The following ERG variants were observed in gnomAD, a reference collection of about 807,000 sequenced individuals.
ERG encodes the protein transcriptional regulator ERG.
A neutral mutation model predicts 55.3 loss-of-function variants in ERG; 9 were observed. The ratio of observed to expected loss-of-function variants is 0.16; its 90% CI spans 0.10 to 0.28. The LOEUF is 0.28. Among genes scored for constraint, ERG ranks in the 10% least tolerant of loss-of-function variants. The pLI is 1.00. For missense variants in ERG, 434 were observed against 631.6 expected, an observed-to-expected ratio of 0.69 and a Z score of 3.35; for synonymous variants, 223 against 237.3, an observed-to-expected ratio of 0.94 and a Z score of 0.55.
intron 1 of ERG, among the ~76,000 whole-genome samples, chr21:38,452,390 TAA>T (rs1448438853): frequency 6.6e-6 from 1 of 152,270 alleles, no homozygotes; most frequent in East Asian, 1.9e-4. Flanking sequence ...AATACATATA[TAA>T]GTGTATGCAT....
Position 38,460,856 on chromosome 21 carries a change from G to A in ERG, c.19-15235C>T, listed in dbSNP as rs2059035468. On this transcript the variant is annotated intron_variant, in intron 1 of 9. Coordinates refer to ENST00000288319, the MANE Select transcript of ERG (RefSeq NM_182918.4). The surrounding 1 kb of genome is among the most constrained non-coding windows in gnomAD (Gnocchi z 5.0). ...TGAATGGCAAATGGCAGACAATGGT[G>A]TCACTTCCTTTCTGCTTAGGAAGGA... 6.6e-6 allele frequency among the ~76,000 whole-genome samples: 1 copy of A among 152,232 alleles called. No individual in the cohort carries two copies. The highest frequency in any genetic ancestry group is 2.4e-5 in the African/African-American group (1 of 41,468).
downstream of ERG, among the ~76,000 whole-genome samples, chr21:38,376,057 G>T (rs1292550560): frequency 6.6e-6 from 1 of 152,184 alleles, no homozygotes; most frequent in Non-Finnish European, 1.5e-5. Context: ...AGCCTTCCTT[G>T]AATGAAAGCT....
At chr21:38,416,923 C>T (rs1989306407) in intron 3 of ERG, among the ~76,000 whole-genome samples, 1 of 152,220 alleles carries the variant, frequency 6.6e-6, no homozygotes, top group African/African-American at 2.4e-5. Context: ...GCAGAGGCTG[C>T]AAAGGGCTTT....
At chr21:38,432,701 C>A (rs968063750) in intron 2 of ERG, among the ~76,000 whole-genome samples, 2 of 152,202 alleles carry the variant, frequency 1.3e-5, no homozygotes, top group Admixed American at 6.5e-5. Context: ...TACTCGAAAG[C>A]AGGAGCCTTG....
At chr21:38,657,554 T>C (rs1436109446) in intron 1 of ERG, among the ~76,000 whole-genome samples, 1 of 152,200 alleles carries the variant, frequency 6.6e-6, no homozygotes, top group Non-Finnish European at 1.5e-5. Flanking sequence ...CTCTTTCTAA[T>C]ATGAAAATGT....
chr21:38,438,998 C>T (rs2058816482), intron 2 of ERG, among the ~76,000 whole-genome samples: 2 of 152,230 alleles, frequency 1.3e-5, no homozygotes, highest in Non-Finnish European at 2.9e-5. Context: ...GGAGCCCACG[C>T]TGAGAATCAC....
At chr21:38,493,474 T>C (rs1167636941) in intron 1 of ERG, among the ~76,000 whole-genome samples, 1 of 152,168 alleles carries the variant, frequency 6.6e-6, no homozygotes, top group Non-Finnish European at 1.5e-5. Flanking sequence ...ATCTGAACAA[T>C]TTATATTGAC....
At chr21:38,386,659 G>C (rs1987703394) in intron 9 of ERG, among the ~76,000 whole-genome samples, 1 of 152,220 alleles carries the variant, frequency 6.6e-6, no homozygotes, top group Non-Finnish European at 1.5e-5. Context: ...AAGCCTAAAA[G>C]TGGCTTGGGT....
chr21:38,519,331 A>G (rs1403734790), intron 2 of ERG, among the ~76,000 whole-genome samples: 1 of 152,212 alleles, frequency 6.6e-6, no homozygotes, highest in Non-Finnish European at 1.5e-5. Context: ...CAGGCTAGCA[A>G]GAACAGGAAG....
At chr21:38,587,955 T>C (rs906251019), upstream of ERG, among the ~76,000 whole-genome samples, 2 of 152,222 alleles carry the variant, frequency 1.3e-5, no homozygotes, top group Non-Finnish European at 2.9e-5. Flanking sequence ...CTTAAATATG[T>C]GCAATGGGTA....
At position 38,381,130 on chromosome 21, in the gene ERG, G is replaced by A. The variant is rs549410533; in HGVS notation, c.*2273C>T. ...GGAGCATTGGTAATCGTGTCCTGCC[G>A]ACTTCAAAGCCCACTGCCAAAACAT... On this transcript the variant is annotated 3_prime_UTR_variant, in exon 10 of 10. Transcript: ENST00000288319. 78 of 1,064,934 alleles carry A rather than the reference G, an allele frequency of 7.3e-5. No individual in the cohort carries two copies. In the Middle Eastern group the frequency reaches 2.1e-3, roughly 28 times the overall value. 66.0% of individuals were successfully genotyped at this position (1,064,934 alleles called of 1,614,324 possible).
At position 38,610,524 on chromosome 21, in the gene ERG, CGCGT is replaced by C. The variant is rs113934427; in HGVS notation, c.-149-25583_-149-25580del. Among the ~76,000 whole-genome samples the C allele has an allele frequency of 6.3e-4, 74 of 117,290 alleles. 1 individual carries two copies. The highest frequency in any genetic ancestry group is 2.2e-3 in the African/African-American group (59 of 26,614). 76.9% of individuals were successfully genotyped at this position (117,290 alleles called of 152,430 possible). ...TACTAGTAGTCCACGTGCGCGCACGCGCGTGTGTGTGTGTGTGTGTGTGTGTTTA... is the reference window on the plus strand; with the variant it reads ...TACTAGTAGTCCACGTGCGCGCACGCGTGTGTGTGTGTGTGTGTGTGTTTA... On this transcript the variant is annotated intron_variant, in intron 1 of 10. Coordinates refer to the ERG transcript ENST00000398910.
chr21:38,649,547 T>A (rs576206288), intron 1 of ERG, among the ~76,000 whole-genome samples: 1 of 152,272 alleles, frequency 6.6e-6, no homozygotes, highest in African/African-American at 2.4e-5. Flanking sequence ...ACATGTTCAC[T>A]GAACGTAACC....
At chr21:38,560,754 C>T (rs1217375141) in intron 2 of ERG, among the ~76,000 whole-genome samples, 1 of 152,158 alleles carries the variant, frequency 6.6e-6, no homozygotes, top group African/African-American at 2.4e-5. Flanking sequence ...TTCCAATTAC[C>T]CATGACGCTA....
intron 1 of ERG, among the ~76,000 whole-genome samples, chr21:38,590,381 G>A (rs1044559303): frequency 6.6e-6 from 1 of 152,234 alleles, no homozygotes; most frequent in East Asian, 1.9e-4. Flanking sequence ...GAAGGGAAGT[G>A]TTCTCCAAGG....
At chr21:38,528,548 C>G (rs1239490227) in intron 2 of ERG, among the ~76,000 whole-genome samples, 1 of 53,408 alleles carries the variant, frequency 1.9e-5, no homozygotes, top group African/African-American at 5.7e-5. Context: ...CCCGGGTTCA[C>G]GCCATTCTCC....
At chr21:38,561,139 A>G (rs999759616) in intron 2 of ERG, among the ~76,000 whole-genome samples, 1 of 152,168 alleles carries the variant, frequency 6.6e-6, no homozygotes, top group Admixed American at 6.5e-5. Flanking sequence ...TGAGGAATCA[A>G]GTAACAGGTC....
At chr21:38,525,353 G>A (rs569891558) in intron 2 of ERG, among the ~76,000 whole-genome samples, 1 of 152,242 alleles carries the variant, frequency 6.6e-6, no homozygotes, top group Admixed American at 6.5e-5. Context: ...TAATGCCCAT[G>A]CTCTTTCCTG....
chr21:38,443,745 C>A (rs1222852841), intron 2 of ERG, among the ~76,000 whole-genome samples: 1 of 151,530 alleles, frequency 6.6e-6, no homozygotes, highest in Non-Finnish European at 1.5e-5. Context: ...CCTTCTGTAA[C>A]TCCAGGAATG....
Sources: allele counts gnomAD v4.1 joint callset (sites outside exome capture counted in the v4.1 genomes callset), GRCh38; gene constraint gnomAD v4.1.1; non-coding constraint Gnocchi (gnomAD v3.1); transcripts MANE v1.5; gene names NCBI Gene and HGNC (gene_info 2026-07-23, HGNC 2026-07-21).